The following ENPP2 variants were observed in gnomAD, a reference collection of about 807,000 sequenced individuals.
ENPP2 encodes autotaxin.
ENPP2 carries 51 observed loss-of-function variants against 120.2 expected under a neutral mutation model. The observed-to-expected ratio is 0.42, with a 90% CI of 0.34 to 0.54. The LOEUF is 0.54. Ranked by LOEUF, ENPP2 falls within the 20% of genes least tolerant of loss-of-function variation. The pLI is 0.04. For missense variants in ENPP2, 920 were observed against 1,066.5 expected (o/e 0.86, Z 1.91); for synonymous variants, 365 against 366.4 (o/e 1.00, Z 0.04).
At chr8:119,615,325 G>A (rs1815384449) in intron 8 of ENPP2, among the ~76,000 whole-genome samples, 1 of 152,148 alleles carries the variant, frequency 6.6e-6, no homozygotes, top group African/African-American at 2.4e-5. Flanking sequence ...ACATGTTTCT[G>A]ATTGCCTGTG....
chr8:119,626,683 A>C lies in ENPP2; in HGVS notation c.174T>G (p.Ser58=), dbSNP rs1467274824. ...GAAGTTCAAAGCACCTGCCCTTGCA[A>C]GATCCGGAGATGTTGGTCCAGGGGG... ...SDSPWTNISG[S]CKGRCFELQE... Residue 58 remains serine (S), a synonymous_variant, in exon 3 of 25, where the codon TCT becomes TCG. Coordinates refer to ENST00000075322, the MANE Select transcript of ENPP2 (RefSeq NM_001040092.3). 2.5e-6 allele frequency: 4 copies of C among 1,614,136 alleles called. No individual in the cohort carries two copies. Among genetic ancestry groups the C allele is most frequent in the Non-Finnish European group, 3.4e-6 (4 of 1,179,982 alleles).
At chr8:119,646,107 T>G (rs1461848806) in intron 1 of ENPP2, among the ~76,000 whole-genome samples, 1 of 151,956 alleles carries the variant, frequency 6.6e-6, no homozygotes, top group African/African-American at 2.4e-5. Context: ...TAGCTGGGAT[T>G]ACAGGCATGT....
At chr8:119,621,909 T>G (rs1815926807) in intron 3 of ENPP2, among the ~76,000 whole-genome samples, 1 of 152,136 alleles carries the variant, frequency 6.6e-6, no homozygotes, top group Admixed American at 6.5e-5. Context: ...GAAGTGGGTG[T>G]GCTTAGCTTT....
chr8:119,607,950 C>T lies in ENPP2; in HGVS notation c.805G>A (p.Val269Met). The change falls in exon 9 of 25, where the codon GTG becomes ATG. Residue 269 changes from valine (V) to methionine (M), a missense_variant. Transcript: ENST00000075322. The part of the protein sequence containing the change: ...PLWITATKQG[V>M]KAGTFFWSVV... ...GACCAAAAGAATGTTCCAGCTTTCA[C>T]CCCTTGCTTGGTGGCTGTAATCCAT... 10 of 1,610,774 alleles carry T rather than the reference C, an allele frequency of 6.2e-6. No homozygotes were observed. Among genetic ancestry groups the T allele is most frequent in the Non-Finnish European group, 8.5e-6 (10 of 1,178,086 alleles).
Position 119,626,652 on chromosome 8 carries a change from C to A in ENPP2, c.205G>T (p.Ala69Ser), listed in dbSNP as rs753895161. 3.1e-6 allele frequency: 5 copies of A among 1,614,084 alleles called. No individual in the cohort carries two copies. Among genetic ancestry groups the A allele is most frequent in the Non-Finnish European group, 4.2e-6 (5 of 1,179,948 alleles). ...CKGRCFELQEAGPPDCRCDNL... is the reference protein window; with the variant it reads ...CKGRCFELQESGPPDCRCDNL... ...TCACAGCGACAATCAGGAGGTCCAG[C>A]CTCTTGAAGTTCAAAGCACCTGCCC... The change falls in exon 3 of 25, where the codon GCT becomes TCT. Residue 69 changes from alanine (A) to serine (S), a missense_variant. Ala to Ser is a moderately conservative substitution (Grantham distance 99, BLOSUM62 1). Coordinates refer to ENST00000075322, the MANE Select transcript of ENPP2 (RefSeq NM_001040092.3).
intron 1 of ENPP2, among the ~76,000 whole-genome samples, chr8:119,668,249 T>C (rs1818132104): frequency 6.6e-6 from 1 of 152,058 alleles, no homozygotes; most frequent in African/African-American, 2.4e-5. Context: ...TCTAGCAGAG[T>C]GGTTGCCACA....
At chr8:119,600,542 T>C (rs1218081410) in intron 11 of ENPP2, 136 bp downstream of exon 11, 3 of 579,538 alleles carry the variant, frequency 5.2e-6, no homozygotes, top group African/African-American at 1.9e-5. Context: ...ATTTTTAGTC[T>C]TGTAGTTATT....
chr8:119,650,213 G>T (rs11778296), intron 1 of ENPP2, among the ~76,000 whole-genome samples: 6 of 152,044 alleles, frequency 3.9e-5, no homozygotes, highest in Non-Finnish European at 5.9e-5. Context: ...AAAACATTAC[G>T]CTGGGTGAAA....
chr8:119,637,517 ATG>A, intron 2 of ENPP2, among the ~76,000 whole-genome samples: 1 of 152,346 alleles, frequency 6.6e-6, no homozygotes, highest in African/African-American at 2.4e-5. Flanking sequence ...GAGGCAAGTG[ATG>A]GTCTTTCATA....
Position 119,590,499 on chromosome 8 carries a change from A to T in ENPP2, c.1207+6T>A, listed in dbSNP as rs1813419447. ...TAACCACTTAATATTTTAAGAATCAACTTACATTTAGCATTGTTGCTAAAT... is the reference window on the plus strand; with the variant it reads ...TAACCACTTAATATTTTAAGAATCATCTTACATTTAGCATTGTTGCTAAAT... On this transcript the variant is annotated splice_donor_region_variant and intron_variant, in intron 13 of 24. Transcript: ENST00000075322. The T allele has an allele frequency of 1.3e-6, 2 of 1,591,878 alleles. No individual in the cohort carries two copies. Among genetic ancestry groups the T allele is most frequent in the Admixed American group, 1.8e-5 (1 of 56,266 alleles).
chr8:119,569,738 TTATC>T (rs373403727), intron 20 of ENPP2, among the ~76,000 whole-genome samples: 10 of 90,828 alleles, frequency 1.1e-4, no homozygotes, highest in African/African-American at 1.4e-4. Context: ...AATAGACTAT[TTATC>T]TGTGTGTGTG....
chr8:119,625,880 A>G (rs2130771817), intron 3 of ENPP2, among the ~76,000 whole-genome samples: 1 of 152,336 alleles, frequency 6.6e-6, no homozygotes, highest in Non-Finnish European at 1.5e-5. Flanking sequence ...AAAGAAAGTC[A>G]CAAAAAGTGT....
intron 1 of ENPP2, among the ~76,000 whole-genome samples, chr8:119,667,615 A>G (rs1355294610): frequency 6.6e-6 from 1 of 152,204 alleles, no homozygotes; most frequent in Admixed American, 6.5e-5. Context: ...CTTTTGAATT[A>G]ATCCACTCTT....
intron 2 of ENPP2, among the ~76,000 whole-genome samples, chr8:119,631,700 C>G (rs1001527446): frequency 3.3e-5 from 5 of 152,128 alleles, no homozygotes; most frequent in Non-Finnish European, 7.4e-5. Context: ...AGGGTCTATT[C>G]CGTCCCAGCC....
In ENPP2 at chr8:119,658,937, C is replaced by T. The variant is rs142003460; in HGVS notation, c.21+14315G>A. ...GCAGAGGAGAAAAGGGATCAGGCAA[C>T]TGCCTGCAGCTTTATTCTCTGTCAG... On this transcript the variant is annotated intron_variant, in intron 1 of 25. Coordinates refer to the ENPP2 transcript ENST00000427067. Among the ~76,000 whole-genome samples, 1,174 of 152,286 alleles carry T rather than the reference C, an allele frequency of 7.7e-3. 16 individuals carry two copies. The highest frequency in any genetic ancestry group is 0.027 in the African/African-American group (1,111 of 41,538).
At chr8:119,644,587 A>AAAATAT (rs1817374615) in intron 1 of ENPP2, among the ~76,000 whole-genome samples, 1 of 59,978 alleles carries the variant, frequency 1.7e-5, no homozygotes, top group Non-Finnish European at 3.3e-5. Flanking sequence ...AGATTACTAA[A>AAAATAT]ATATATATAT....
chr8:119,558,484 G>C (rs763754946), intron 24 of ENPP2, among the ~76,000 whole-genome samples: 12 of 152,074 alleles, frequency 7.9e-5, no homozygotes, highest in Non-Finnish European at 1.8e-4. Context: ...CTCTGCCTCA[G>C]CTGCTTGCCA....
intron 1 of ENPP2, among the ~76,000 whole-genome samples, chr8:119,648,173 C>T (rs899478958): frequency 6.6e-6 from 1 of 152,120 alleles, no homozygotes; most frequent in African/African-American, 2.4e-5. Context: ...GCATGTTAAG[C>T]AAGTACCTCA....
rs1265135007 is a variant in ENPP2 at position 119,645,128 on chromosome 8, G to A, written c.22-6601C>T. Among the ~76,000 whole-genome samples, 7 of 152,114 alleles carry A rather than the reference G, an allele frequency of 4.6e-5. No individual in the cohort carries two copies. The South Asian group carries it at 6.2e-4, about 14-fold the overall frequency. On this transcript the variant is annotated intron_variant, in intron 1 of 25. Coordinates refer to the ENPP2 transcript ENST00000427067. ...CTTGCAGAGAAAGAAATGGAGGTTC[G>A]AAGAGTATGGGGCATCTCCAGAACG...
Sources: allele counts gnomAD v4.1 joint callset (sites outside exome capture counted in the v4.1 genomes callset), GRCh38; gene constraint gnomAD v4.1.1; transcripts MANE v1.5; gene names NCBI Gene and HGNC (gene_info 2026-07-23, HGNC 2026-07-21).